Variants in PXDNL observed in about 807,000 individuals in gnomAD.
PXDNL encodes probable oxidoreductase PXDNL.
A neutral mutation model predicts 150.8 loss-of-function variants in PXDNL; 145 were observed. That is an observed-to-expected ratio of 0.96 (90% CI 0.84 to 1.10). The LOEUF (loss-of-function observed/expected upper bound fraction) is 1.10. Among genes scored for constraint, PXDNL ranks in the 50% least tolerant of loss-of-function variants. The pLI, the probability that PXDNL is intolerant of heterozygous loss-of-function variation, is 0.00. For missense variants in PXDNL, 2,087 were observed against 1,873.9 expected (o/e 1.11, Z -2.10); for synonymous variants, 757 against 725.7 (o/e 1.04, Z -0.69).
Position 51,729,282 on chromosome 8 carries a change from G to A in PXDNL, c.165-74522C>T, listed in dbSNP as rs562722306. Among the ~76,000 whole-genome samples the A allele has an allele frequency of 3.3e-5, 5 of 151,340 alleles. No individual in the cohort carries two copies. In the South Asian group the frequency reaches 1.1e-3, roughly 32 times the overall value. On this transcript the variant is annotated intron_variant, in intron 1 of 22. Transcript: ENST00000356297. Reference sequence around the variant, plus strand: ...CAAAATATATTTCTGATAAAAGATAGTTATCCAAAATATACCTAAAAATAA... The same window carrying A: ...CAAAATATATTTCTGATAAAAGATAATTATCCAAAATATACCTAAAAATAA...
intron 1 of PXDNL, among the ~76,000 whole-genome samples, chr8:51,709,991 A>AT (rs11440529): frequency 0.076 from 11,608 of 152,288 alleles, 1,399 homozygotes; most frequent in African/African-American, 0.25. Flanking sequence ...TGTTTATATT[A>AT]TCCATAAGCA....
At chr8:51,654,583 A>G (rs1296345975) in intron 2 of PXDNL, 106 bp downstream of exon 2, 2 of 812,358 alleles carry the variant, frequency 2.5e-6, no homozygotes, top group Non-Finnish European at 4.1e-6. Flanking sequence ...ACAAGGTGTC[A>G]TTCTTCTACT....
chr8:51,565,620 T>C (rs1782129997), intron 3 of PXDNL, among the ~76,000 whole-genome samples: 1 of 151,920 alleles, frequency 6.6e-6, no homozygotes, highest in Admixed American at 6.6e-5. Flanking sequence ...AGATTGTCTA[T>C]ATGGATGGCT....
chr8:51,497,790 G>A (rs1313152749), intron 5 of PXDNL, among the ~76,000 whole-genome samples: 3 of 152,320 alleles, frequency 2.0e-5, no homozygotes, highest in East Asian at 1.9e-4. Flanking sequence ...AACAGGTGCT[G>A]GAGAGGATGT....
At chr8:51,700,675 A>AAC (rs199983824) in intron 1 of PXDNL, among the ~76,000 whole-genome samples, 4 of 151,350 alleles carry the variant, frequency 2.6e-5, no homozygotes, top group Admixed American at 1.3e-4. Context: ...AACATACATA[A>AAC]ACACACACAT....
At chr8:51,325,493 C>A (rs748483867) in intron 21 of PXDNL, among the ~76,000 whole-genome samples, 16 of 152,142 alleles carry the variant, frequency 1.1e-4, no homozygotes, top group Non-Finnish European at 2.2e-4. Flanking sequence ...GTCAGGCCAC[C>A]TCATAACCCT....
intron 2 of PXDNL, among the ~76,000 whole-genome samples, chr8:51,625,099 G>A (rs151013659): frequency 6.6e-6 from 1 of 152,108 alleles, no homozygotes; most frequent in East Asian, 1.9e-4. Flanking sequence ...GTTACTGAAG[G>A]TACCTGAAAA....
At chr8:51,549,035 C>T (rs1460717225) in intron 4 of PXDNL, among the ~76,000 whole-genome samples, 2 of 152,050 alleles carry the variant, frequency 1.3e-5, no homozygotes, top group East Asian at 3.8e-4. Flanking sequence ...GCTATTCTTA[C>T]ATCAGACAAA....
intron 1 of PXDNL, among the ~76,000 whole-genome samples, chr8:51,676,543 C>T (rs1286019584): frequency 6.6e-6 from 1 of 152,154 alleles, no homozygotes; most frequent in East Asian, 1.9e-4. Flanking sequence ...TCCCAAAATA[C>T]TGGGATTACA....
intron 1 of PXDNL, among the ~76,000 whole-genome samples, chr8:51,806,838 T>C (rs2129266839): frequency 6.6e-6 from 1 of 152,296 alleles, no homozygotes; most frequent in East Asian, 1.9e-4. Context: ...TCTGCCTTCA[T>C]TACCATCCCC....
chr8:51,583,996 G>A (rs576976358), intron 3 of PXDNL, among the ~76,000 whole-genome samples: 1 of 152,244 alleles, frequency 6.6e-6, no homozygotes, highest in East Asian at 1.9e-4. Context: ...CCTACAAAAT[G>A]AATTTAGTCA....
chr8:51,582,837 A>G (rs1299269650), intron 3 of PXDNL, among the ~76,000 whole-genome samples: 4 of 152,104 alleles, frequency 2.6e-5, no homozygotes, highest in Non-Finnish European at 5.9e-5. Context: ...GCCTAGGTTT[A>G]TACTCTATAC....
chr8:51,552,703 C>T (rs13281656), intron 4 of PXDNL, among the ~76,000 whole-genome samples: 10,526 of 152,144 alleles, frequency 0.069, 458 homozygotes, highest in South Asian at 0.1. Flanking sequence ...GGTGAGGGAT[C>T]AAAGACTACA....
intron 12 of PXDNL, among the ~76,000 whole-genome samples, chr8:51,443,853 A>C (rs1448974902): frequency 6.6e-6 from 1 of 152,192 alleles, no homozygotes; most frequent in Non-Finnish European, 1.5e-5. Context: ...ACATTCCTTT[A>C]TGCTATACCA....
chr8:51,651,955 T>G (rs375553240), intron 2 of PXDNL, among the ~76,000 whole-genome samples: 6 of 152,312 alleles, frequency 3.9e-5, no homozygotes, highest in African/African-American at 1.4e-4. Context: ...ATACATAACA[T>G]TTCCGGATTT....
intron 3 of PXDNL, among the ~76,000 whole-genome samples, chr8:51,568,043 C>A (rs934183804): frequency 6.6e-6 from 1 of 151,644 alleles, no homozygotes; most frequent in African/African-American, 2.4e-5. Context: ...TTTCCAATTT[C>A]TTTTTTCTAT....
Position 51,390,797 on chromosome 8 carries a change from AG to A in PXDNL, c.3558-16067del, listed in dbSNP as rs567827850. The stretch of plus-strand genomic sequence containing the variant: ...TTTAGGGTACATGTGCACAATGTGC[AG>A]GTTAGTTACATATGTATACATGTGC... On this transcript the variant is annotated intron_variant, in intron 17 of 22. Coordinates refer to ENST00000356297, the MANE Select transcript of PXDNL (RefSeq NM_144651.5). Among the ~76,000 whole-genome samples, 51 of 152,014 alleles carry A rather than the reference AG, an allele frequency of 3.4e-4. No individual in the cohort carries two copies. The South Asian group carries it at 0.01, about 30-fold the overall frequency.
At chr8:51,493,914 C>T (rs185813544) in intron 5 of PXDNL, among the ~76,000 whole-genome samples, 76 of 152,234 alleles carry the variant, frequency 5.0e-4, no homozygotes, top group African/African-American at 1.8e-3. Context: ...CATTCAAATT[C>T]AGGAAATACA....
intron 4 of PXDNL, among the ~76,000 whole-genome samples, chr8:51,517,085 T>C (rs1402356620): frequency 1.3e-5 from 2 of 152,196 alleles, no homozygotes; most frequent in African/African-American, 4.8e-5. Flanking sequence ...TTTCAATTCA[T>C]TGTAACCTTT....
Sources: gnomAD v4.1 joint callset for allele counts (sites outside exome capture counted in the v4.1 genomes callset) on GRCh38, gnomAD v4.1.1 for gene constraint, MANE v1.5 for transcripts, NCBI Gene and HGNC (gene_info 2026-07-23, HGNC 2026-07-21) for gene names.